SLC12A3: variants seen among roughly 807,000 people sequenced by gnomAD.
SLC12A3 encodes solute carrier family 12 member 3, also known as Na-Cl cotransporter.
In SLC12A3, 104 loss-of-function variants were observed where a neutral mutation model predicts 121.0. That is an observed-to-expected ratio of 0.86 (90% confidence interval 0.73 to 1.01). The LOEUF is 1.01. Among genes scored for constraint, SLC12A3 ranks in the 50% least tolerant of loss-of-function variants. The pLI is 0.00. For synonymous variants in SLC12A3, 536 were observed against 533.4 expected (o/e 1.00, Z -0.07); for missense variants, 1,328 against 1,356.3 (o/e 0.98, Z 0.33).
intron 12 of SLC12A3, among the ~76,000 whole-genome samples, 155 bp downstream of exon 12, chr16:56,880,408 C>A (rs1354940248): frequency 1.3e-5 from 2 of 152,170 alleles, no homozygotes; most frequent in Non-Finnish European, 2.9e-5. Flanking sequence ...GGGTGAGACC[C>A]CACCTGGGAG....
intron 6 of SLC12A3, among the ~76,000 whole-genome samples, chr16:56,871,345 C>T (rs1047819849): frequency 4.6e-5 from 7 of 152,228 alleles, no homozygotes; most frequent in South Asian, 2.1e-4. Context: ...TCCCTTTTCT[C>T]TTTCTTTTTA....
intron 22 of SLC12A3, among the ~76,000 whole-genome samples, chr16:56,897,781 C>G (rs2055484931): frequency 6.6e-6 from 1 of 152,206 alleles, no homozygotes; most frequent in South Asian, 2.1e-4. Context: ...CCCTCTGTCC[C>G]TTGGTGGGCC....
intron 23 of SLC12A3, among the ~76,000 whole-genome samples, chr16:56,901,292 T>C (rs964690880): frequency 2.0e-5 from 3 of 151,736 alleles, no homozygotes; most frequent in Non-Finnish European, 4.4e-5. Flanking sequence ...TCATCCATCC[T>C]TGTGGCTTCA....
chr16:56,913,999 T>C lies in SLC12A3; in HGVS notation c.*594T>C, dbSNP rs1465017209. 6.6e-6 allele frequency: 1 copy of C among 152,326 alleles called. No homozygotes were observed. The highest frequency in any genetic ancestry group is 2.4e-5 in the African/African-American group (1 of 41,440). 9.4% of individuals were successfully genotyped at this position (152,326 alleles called of 1,614,324 possible). A position where few individuals can be genotyped will look rare whatever the true frequency, so the allele number is the denominator to read the frequency against. ...ATGATCTCAGGTCACTGCAACCTCC[T>C]CCCGGGTTCAAGCATTTCTTCTGTC... is the stretch of plus-strand genomic sequence containing the variant. On this transcript the variant is annotated 3_prime_UTR_variant, in exon 26 of 26. Transcript: ENST00000563236.
intron 1 of SLC12A3, among the ~76,000 whole-genome samples, chr16:56,866,220 A>T (rs902288068): frequency 6.6e-6 from 1 of 152,102 alleles, no homozygotes; most frequent in Non-Finnish European, 1.5e-5. Flanking sequence ...TCCTGACCTC[A>T]AAGGATCCAC....
At chr16:56,892,914 G>A (rs1567441661) in intron 20 of SLC12A3, 39 bp from the exon 21 acceptor site, 1 of 1,561,966 alleles carries the variant, frequency 6.4e-7, no homozygotes, top group Middle Eastern at 1.7e-4. Context: ...TGGATGCGCG[G>A]CTGCTGGCTC....
chr16:56,892,880 GC>G, intron 20 of SLC12A3, 72 bp from the exon 21 acceptor site: 1 of 1,233,480 alleles, frequency 8.1e-7, no homozygotes, highest in Non-Finnish European at 1.2e-6. Context: ...AGGGGCGTTG[GC>G]GGGGCCCTGG....
intron 25 of SLC12A3, among the ~76,000 whole-genome samples, chr16:56,907,609 A>G (rs2055624895): frequency 6.6e-6 from 1 of 152,224 alleles, no homozygotes; most frequent in Non-Finnish European, 1.5e-5. Context: ...GAAGTCCTAG[A>G]TCAAAGCATG....
chr16:56,888,255 G>T (rs2144733690), intron 18 of SLC12A3, among the ~76,000 whole-genome samples: 1 of 152,342 alleles, frequency 6.6e-6, no homozygotes, highest in South Asian at 2.1e-4. Context: ...CTCCAGCCTA[G>T]GCGAAAGAGC....
In SLC12A3 at chr16:56,913,422, C is replaced by A. The variant is rs753427651; in HGVS notation, c.*17C>A. ...TGCCAGTAACTCCAGGCTTTGACAT[C>A]CCTGTCCACAGCTCTGAGTGTGTGG... On this transcript the variant is annotated 3_prime_UTR_variant, in exon 26 of 26. Coordinates refer to ENST00000563236, the MANE Select transcript of SLC12A3 (RefSeq NM_001126108.2). 6.2e-7 allele frequency: 1 copy of A among 1,613,566 alleles called. No homozygotes were observed. Among genetic ancestry groups the A allele is most frequent in the Non-Finnish European group, 8.5e-7 (1 of 1,179,470 alleles).
At position 56,867,130 on chromosome 16, in the gene SLC12A3, G is replaced by A. The variant is rs760308689; in HGVS notation, c.343G>A (p.Asp115Asn). The change falls in exon 2 of 26, where the codon GAT becomes AAT. Residue 115 changes from aspartate to asparagine, a missense_variant. Coordinates refer to ENST00000563236, the MANE Select transcript of SLC12A3 (RefSeq NM_001126108.2). ...CAGCCGGCCCAGCCACGAGATGACT[G>A]ATGGGCTGGTGGAGGGCGAGGCAGG... ...FDSRPSHEMT[D>N]GLVEGEAGTS... 3 of 1,614,108 alleles carry A rather than the reference G, an allele frequency of 1.9e-6. No individual in the cohort carries two copies. The highest frequency in any genetic ancestry group is 1.7e-6 in the Non-Finnish European group (2 of 1,180,034).
intron 19 of SLC12A3, among the ~76,000 whole-genome samples, chr16:56,891,371 CAAAAA>C (rs35706137): frequency 4.1e-5 from 3 of 73,878 alleles, no homozygotes; most frequent in South Asian, 1.1e-3. Flanking sequence ...GACCCTGTCT[CAAAAA>C]AAAAAAAAAA....
In SLC12A3 at chr16:56,865,231, C is replaced by A; in HGVS notation, c.-5C>A. ...CCTGGCCCCTCCCTGGACACCCAGG[C>A]GACAATGGCAGAACTGCCCACAACA... On this transcript the variant is annotated 5_prime_UTR_variant, in exon 1 of 26. Coordinates refer to ENST00000563236, the MANE Select transcript of SLC12A3 (RefSeq NM_001126108.2). 1 of 1,613,362 alleles carries A rather than the reference C, an allele frequency of 6.2e-7. No individual in the cohort carries two copies. Among genetic ancestry groups the A allele is most frequent in the Non-Finnish European group, 8.5e-7 (1 of 1,179,934 alleles).
At position 56,884,140 on chromosome 16, in the gene SLC12A3, G is replaced by T. The variant is rs1316593507; in HGVS notation, c.1761G>T (p.Trp587Cys). ...TCATCATGTTCCTCCTCACCTGGTGGGCGGCCCTCATCGCCATTGGCGTGG... is the reference window on the plus strand; with the variant it reads ...TCATCATGTTCCTCCTCACCTGGTGTGCGGCCCTCATCGCCATTGGCGTGG... ...SVVIMFLLTW[W>C]AALIAIGVVL... is the part of the protein sequence containing the mutation. Residue 587 changes from tryptophan to cysteine, a missense_variant, in exon 14 of 26, where the codon TGG becomes TGT. By Grantham distance (215) the Trp-to-Cys change is radical (BLOSUM62 -2). Transcript: ENST00000563236. 6.2e-7 allele frequency: 1 copy of T among 1,614,100 alleles called. No homozygotes were observed. Among genetic ancestry groups the T allele is most frequent in the East Asian group, 2.2e-5 (1 of 44,904 alleles).
At chr16:56,866,159 T>A (rs1054980499) in intron 1 of SLC12A3, among the ~76,000 whole-genome samples, 16 of 152,004 alleles carry the variant, frequency 1.1e-4, no homozygotes, top group African/African-American at 3.9e-4. Context: ...CTAATTTTTG[T>A]ATTTTTAGTA....
chr16:56,890,220 A>T, intron 18 of SLC12A3, 54 bp from the exon 19 acceptor site: 1 of 1,405,866 alleles, frequency 7.1e-7, no homozygotes, highest in Non-Finnish European at 1.0e-6. Flanking sequence ...GTGCCAGGTC[A>T]CCTCCCCAGT....
rs374324018 is a variant in SLC12A3, at chr16:56,868,301, G to A, written c.434G>A (p.Arg145His). The A allele has an allele frequency of 7.2e-5, 116 of 1,613,870 alleles. No homozygotes were observed. The highest frequency in any genetic ancestry group is 7.9e-5 in the Non-Finnish European group (93 of 1,179,976). Residue 145 changes from arginine (R) to histidine (H), a missense_variant, in exon 3 of 26, where the codon CGT becomes CAT. Arg to His is a conservative substitution (Grantham distance 29). Coordinates refer to ENST00000563236, the MANE Select transcript of SLC12A3 (RefSeq NM_001126108.2). Reference protein sequence around the residue: ...RFGWVKGVMIRCMLNIWGVIL... With the variant: ...RFGWVKGVMIHCMLNIWGVIL... ...CTGACCCCCCTGTCCTCCCAGATTC[G>A]TTGCATGCTCAACATTTGGGGCGTG... is the stretch of plus-strand genomic sequence containing the variant.
intron 22 of SLC12A3, among the ~76,000 whole-genome samples, chr16:56,896,436 T>C (rs8046857): frequency 0.074 from 11,218 of 152,252 alleles, 550 homozygotes; most frequent in East Asian, 0.25. Flanking sequence ...CAAGAGGTGC[T>C]GGTTTTCTGT....
chr16:56,874,231 A>C (rs186726568), intron 8 of SLC12A3, among the ~76,000 whole-genome samples: 36 of 152,348 alleles, frequency 2.4e-4, no homozygotes, highest in African/African-American at 8.7e-4. Flanking sequence ...GGTGAAATGC[A>C]GTGTTTGAGC....
Sources: allele counts gnomAD v4.1 joint callset (sites outside exome capture counted in the v4.1 genomes callset), GRCh38; gene constraint gnomAD v4.1.1; transcripts MANE v1.5; gene names NCBI Gene and HGNC (gene_info 2026-07-23, HGNC 2026-07-21).